KDM5B: variants seen among roughly 807,000 people sequenced by gnomAD.
KDM5B encodes the protein lysine-specific demethylase 5B.
In KDM5B, 144 loss-of-function variants were observed where a neutral mutation model predicts 193.4. That is an observed-to-expected ratio of 0.74 (90% confidence interval 0.65 to 0.86). The LOEUF (loss-of-function observed/expected upper bound fraction) is 0.86. Among genes scored for constraint, KDM5B ranks in the 40% least tolerant of loss-of-function variants. KDM5B has a pLI of 0.00. For missense variants in KDM5B, 1,833 were observed against 1,886.9 expected (o/e 0.97, Z 0.53); for synonymous variants, 668 against 682.6 (o/e 0.98, Z 0.33).
At position 202,728,847 on chromosome 1, in the gene KDM5B, CA is replaced by C; in HGVS notation, c.*188del. The C allele has an allele frequency of 1.6e-6, 1 of 642,312 alleles. No individual in the cohort carries two copies. Among genetic ancestry groups the C allele is most frequent in the Non-Finnish European group, 2.5e-6 (1 of 398,482 alleles). 39.8% of individuals were successfully genotyped at this position (642,312 alleles called of 1,614,324 possible). ...CTTAAGGAAAAAATACAAAAAGTGT[CA>C]AAAATTTTTTTAGTTGTTTTTTCTT... On this transcript the variant is annotated 3_prime_UTR_variant, in exon 27 of 27. Transcript: ENST00000367265.
Position 202,773,261 on chromosome 1 carries a change from C to A in KDM5B, c.433G>T (p.Val145Phe). The A allele has an allele frequency of 6.2e-7, 1 of 1,614,114 alleles. No homozygotes were observed. Among genetic ancestry groups the A allele is most frequent in the Non-Finnish European group, 8.5e-7 (1 of 1,180,000 alleles). ...KLVAEEGGFA[V>F]VCKDRKWTKI... Reference sequence around the variant, plus strand: ...GTCCATTTTCTATCCTTGCAAACAACTGCAAATCCACCTTCTTCTGCAACT... The same window carrying A: ...GTCCATTTTCTATCCTTGCAAACAAATGCAAATCCACCTTCTTCTGCAACT... Residue 145 changes from valine (V) to phenylalanine (F), a missense_variant, in exon 4 of 27, where the codon GTT becomes TTT. By Grantham distance (50) the Val-to-Phe change is conservative. This residue lies in a region of KDM5B where 355 missense variants were observed against 374.9 expected (regional missense o/e 0.95). Coordinates refer to ENST00000367265, the MANE Select transcript of KDM5B (RefSeq NM_006618.5).
At position 202,731,132 on chromosome 1, in the gene KDM5B, G is replaced by A. The variant is rs573301401; in HGVS notation, c.4022-69C>T. The A allele has an allele frequency of 3.2e-5, 42 of 1,302,874 alleles. No homozygotes were observed. The South Asian group carries it at 6.1e-4, about 19-fold the overall frequency. The allele number at this position is 1,302,874 out of a possible 1,614,324, so 80.7% of individuals were successfully genotyped here. A position where few individuals can be genotyped will look rare whatever the true frequency, so the allele number is the denominator to read the frequency against. The stretch of plus-strand genomic sequence containing the variant: ...GTTTCACATTCACATTTGGGTTTAT[G>A]AGACAAATAGAAGGACTGCCCCTAA... On this transcript the variant is annotated intron_variant, in intron 24 of 26. Coordinates refer to ENST00000367265, the MANE Select transcript of KDM5B (RefSeq NM_006618.5).
chr1:202,749,960 C>G (rs2102250231), intron 13 of KDM5B, among the ~76,000 whole-genome samples: 1 of 152,282 alleles, frequency 6.6e-6, no homozygotes, highest in Middle Eastern at 3.4e-3. Flanking sequence ...AACTTTACAA[C>G]TAATGAAACC....
intron 8 of KDM5B, 146 bp from the exon 9 acceptor site, chr1:202,758,656 T>C (rs1453234739): frequency 1.9e-6 from 1 of 514,554 alleles, no homozygotes; most frequent in Non-Finnish European, 3.1e-6. Context: ...TAAACCTGCC[T>C]GAAAAATGTG....
Position 202,752,889 on chromosome 1 carries a change from T to C in KDM5B, c.1701+16A>G. On this transcript the variant is annotated intron_variant, in intron 12 of 26. Coordinates refer to ENST00000367265, the MANE Select transcript of KDM5B (RefSeq NM_006618.5). ...GAATTAAGCTTGAGTGGCAGGAGGA[T>C]TAACCCAGAACATACAGGCACTTCA... is the stretch of plus-strand genomic sequence containing the variant. 6.2e-7 allele frequency: 1 copy of C among 1,601,372 alleles called. No individual in the cohort carries two copies. Among genetic ancestry groups the C allele is most frequent in the Non-Finnish European group, 8.5e-7 (1 of 1,175,212 alleles).
chr1:202,725,427 T>C lies in KDM5B; in HGVS notation c.*3609A>G, dbSNP rs1159146760. ...TAACATTTCTATAATAAGTTACACA[T>C]GAAGCCTCCCAAAAGAAAGCTGAGA... On this transcript the variant is annotated 3_prime_UTR_variant, in exon 27 of 27. Coordinates refer to ENST00000367265, the MANE Select transcript of KDM5B (RefSeq NM_006618.5). 6.6e-6 allele frequency: 1 copy of C among 152,220 alleles called. No homozygotes were observed. The highest frequency in any genetic ancestry group is 1.5e-5 in the Non-Finnish European group (1 of 68,032). 9.4% of individuals were successfully genotyped at this position (152,220 alleles called of 1,614,324 possible). A position where few individuals can be genotyped will look rare whatever the true frequency, so the allele number is the denominator to read the frequency against.
chr1:202,808,033 C>A (rs1464079507), intron 1 of KDM5B, 69 bp downstream of exon 1: 2 of 1,523,768 alleles, frequency 1.3e-6, no homozygotes, highest in African/African-American at 2.8e-5. Context: ...CCTCGGGCCT[C>A]CCCGGACCCG....
intron 4 of KDM5B, among the ~76,000 whole-genome samples, chr1:202,770,877 A>G (rs575717593): frequency 7.0e-4 from 106 of 152,350 alleles, no homozygotes; most frequent in Non-Finnish European, 9.3e-4. Context: ...GGCACAGAGT[A>G]AGTCCCTCAC....
At chr1:202,738,534 C>T (rs1344884617) in intron 20 of KDM5B, among the ~76,000 whole-genome samples, 1 of 152,162 alleles carries the variant, frequency 6.6e-6, no homozygotes, top group Admixed American at 6.5e-5. Context: ...TCCCTATTAA[C>T]AAGAACAGAT....
chr1:202,768,476 CT>C (rs1656567015), intron 4 of KDM5B, among the ~76,000 whole-genome samples: 1 of 152,122 alleles, frequency 6.6e-6, no homozygotes, highest in Non-Finnish European at 1.5e-5. Context: ...AGATTCGCCC[CT>C]TTCCCCCTCA....
intron 1 of KDM5B, among the ~76,000 whole-genome samples, chr1:202,793,478 C>T (rs1342835954): frequency 6.6e-6 from 1 of 152,146 alleles, no homozygotes; most frequent in Admixed American, 6.5e-5. Flanking sequence ...CTCTTTGGGC[C>T]TCACTATGTA....
intron 5 of KDM5B, among the ~76,000 whole-genome samples, chr1:202,764,636 A>AAAAC (rs964106670): frequency 3.9e-5 from 6 of 152,086 alleles, no homozygotes; most frequent in African/African-American, 7.2e-5. Context: ...CTCTATCTCA[A>AAAAC]AAACAAACAA....
chr1:202,751,571 CAT>C (rs1655793642), intron 12 of KDM5B, among the ~76,000 whole-genome samples: 2 of 152,256 alleles, frequency 1.3e-5, no homozygotes, highest in South Asian at 4.1e-4. Context: ...CTCTGCCAAA[CAT>C]GTGATAATTT....
In KDM5B at chr1:202,750,889, A is replaced by C. The variant is rs557038404; in HGVS notation, c.1702-111T>G. 3.1e-4 allele frequency: 344 copies of C among 1,126,486 alleles called. 1 individual carries two copies. Among genetic ancestry groups the C allele is most frequent in the Middle Eastern group, 1.3e-3 (6 of 4,776 alleles). 69.8% of individuals were successfully genotyped at this position (1,126,486 alleles called of 1,614,324 possible). ...ATTTTCAAAAAAAGGCAGCTTTCTG[A>C]AATTGAGCCAGAAAAAACAAATTAT... is the stretch of plus-strand genomic sequence containing the variant. On this transcript the variant is annotated intron_variant, in intron 12 of 26. Transcript: ENST00000367265.
At chr1:202,781,225 G>A (rs566165736) in intron 1 of KDM5B, among the ~76,000 whole-genome samples, 1 of 152,154 alleles carries the variant, frequency 6.6e-6, no homozygotes, top group African/African-American at 2.4e-5. Flanking sequence ...CTTAAGCCCA[G>A]GGGGCTTAAG....
chr1:202,779,804 A>AAAATAAATAAATAAATAAAT (rs145024625), intron 1 of KDM5B, among the ~76,000 whole-genome samples: 5 of 141,294 alleles, frequency 3.5e-5, no homozygotes, highest in South Asian at 2.2e-4. Context: ...CTCCGTCTCA[A>AAAATAAATAAATAAATAAAT]AAATAAATAA....
chr1:202,751,331 C>G (rs1260140854), intron 12 of KDM5B, among the ~76,000 whole-genome samples: 1 of 152,106 alleles, frequency 6.6e-6, no homozygotes, highest in Non-Finnish European at 1.5e-5. Context: ...TACACCAATG[C>G]TTACCTAGTG....
At chr1:202,743,437 A>T (rs1336992632) in intron 16 of KDM5B, among the ~76,000 whole-genome samples, 1 of 151,772 alleles carries the variant, frequency 6.6e-6, no homozygotes, top group Non-Finnish European at 1.5e-5. Context: ...TATAAATCTT[A>T]TTGTGGCTTG....
chr1:202,747,568 T>TAAA (rs1558489546), intron 14 of KDM5B, among the ~76,000 whole-genome samples: 61 of 141,626 alleles, frequency 4.3e-4, no homozygotes, highest in African/African-American at 1.4e-3. Context: ...GCACATATTT[T>TAAA]TAAAAAAAAA....
Sources: gnomAD v4.1 joint callset for allele counts (sites outside exome capture counted in the v4.1 genomes callset) on GRCh38, gnomAD v4.1.1 for gene constraint, gnomAD v4.1.1 regional missense constraint, MANE v1.5 for transcripts, NCBI Gene and HGNC (gene_info 2026-07-23, HGNC 2026-07-21) for gene names.